Variants in ACSL5 observed in about 807,000 individuals in gnomAD.
ACSL5 encodes the protein long-chain-fatty-acid--CoA ligase 5.
ACSL5 carries 50 observed loss-of-function variants against 84.9 expected under a neutral mutation model. The observed-to-expected ratio is 0.59, with a 90% CI of 0.47 to 0.75. The LOEUF (loss-of-function observed/expected upper bound fraction) is 0.75, where lower values mean the gene tolerates loss of function less well. Among genes scored for constraint, ACSL5 ranks in the 30% least tolerant of loss-of-function variants. The pLI, the probability that ACSL5 is intolerant of heterozygous loss-of-function variation, is 0.00. For synonymous variants in ACSL5, 280 were observed against 300.7 expected, an observed-to-expected ratio of 0.93 and a Z score of 0.71; for missense variants, 775 against 830.4, an observed-to-expected ratio of 0.93 and a Z score of 0.82.
At chr10:112,390,866 T>A (rs1849547276) in intron 1 of ACSL5, among the ~76,000 whole-genome samples, 1 of 152,126 alleles carries the variant, frequency 6.6e-6, no homozygotes, top group Non-Finnish European at 1.5e-5. Context: ...AATAGATAAA[T>A]CCATAGCAAC....
At chr10:112,383,370 G>T (rs559418925) in intron 1 of ACSL5, among the ~76,000 whole-genome samples, 1 of 152,356 alleles carries the variant, frequency 6.6e-6, no homozygotes, top group East Asian at 1.9e-4. Context: ...GCTATTATAA[G>T]ACAATGGCTT....
At chr10:112,421,713 G>A (rs771711996) in intron 15 of ACSL5, 48 bp downstream of exon 15, 54 of 1,552,710 alleles carry the variant, frequency 3.5e-5, no homozygotes, top group Non-Finnish European at 4.7e-5. Context: ...TGGGAGAAAG[G>A]TTCTAACTGA....
chr10:112,418,682 C>T (rs1844379865), intron 14 of ACSL5: 1 of 152,100 alleles, frequency 6.6e-6, no homozygotes, highest in Non-Finnish European at 1.5e-5. Flanking sequence ...TTAATCAACA[C>T]ATATTTTGTA....
intron 14 of ACSL5, chr10:112,419,951 A>C (rs1844416954): frequency 6.6e-6 from 1 of 152,144 alleles, no homozygotes; most frequent in Non-Finnish European, 1.5e-5. Flanking sequence ...ATATTGTCTC[A>C]ATTTTCACCC....
intron 1 of ACSL5, among the ~76,000 whole-genome samples, chr10:112,375,984 G>A (rs767308718): frequency 2.6e-5 from 4 of 152,138 alleles, no homozygotes; most frequent in Non-Finnish European, 5.9e-5. Flanking sequence ...CTGATCTGAG[G>A]GGGCACCTCA....
intron 17 of ACSL5, among the ~76,000 whole-genome samples, chr10:112,423,946 C>T (rs1844576030): frequency 6.6e-6 from 1 of 152,126 alleles, no homozygotes; most frequent in African/African-American, 2.4e-5. Flanking sequence ...AGCAACATAG[C>T]AAGACTCTGT....
Position 112,409,615 on chromosome 10 carries a change from C to T in ACSL5, c.641C>T (p.Pro214Leu). The change falls in exon 7 of 21, where the codon CCC (proline) becomes CTC (leucine). Residue 214 changes from proline to leucine, a missense_variant. Physicochemically the swap from Pro to Leu is moderately conservative, Grantham distance 98. Transcript: ENST00000354655. The part of the protein sequence containing the change: ...PSLKVIILMD[P>L]FDDDLKQRGE... ...CTGAAGGTGATCATCCTTATGGACC[C>T]CTTTGATGATGACCTGAAGCAAAGA... is the stretch of plus-strand genomic sequence containing the variant. The T allele has an allele frequency of 1.2e-6, 2 of 1,614,064 alleles. No homozygotes were observed. Among genetic ancestry groups the T allele is most frequent in the East Asian group, 4.5e-5 (2 of 44,878 alleles).
intron 14 of ACSL5, among the ~76,000 whole-genome samples, 180 bp from the exon 15 acceptor site, chr10:112,421,413 G>A (rs1051087470): frequency 1.7e-4 from 26 of 151,924 alleles, no homozygotes; most frequent in African/African-American, 4.6e-4. Flanking sequence ...CTCCCGCCTC[G>A]GCCTCCCAAA....
At chr10:112,410,733 A>G in intron 9 of ACSL5, 98 bp downstream of exon 9, 1 of 1,286,214 alleles carries the variant, frequency 7.8e-7, no homozygotes, top group Non-Finnish European at 1.1e-6. Flanking sequence ...CCCTCTAAAG[A>G]GCCCTATACT....
chr10:112,421,156 T>C (rs937477835), intron 14 of ACSL5, among the ~76,000 whole-genome samples: 1 of 151,790 alleles, frequency 6.6e-6, no homozygotes, highest in Non-Finnish European at 1.5e-5. Context: ...GTTTGTTCGT[T>C]TGTTTGTTTG....
intron 1 of ACSL5, among the ~76,000 whole-genome samples, chr10:112,377,909 A>G (rs77289361): frequency 0.018 from 2,795 of 152,328 alleles, 42 homozygotes; most frequent in Non-Finnish European, 0.031. Context: ...TACCCCAGAT[A>G]AATGCATTCA....
chr10:112,418,618 A>G (rs1311851826), intron 14 of ACSL5, among the ~76,000 whole-genome samples: 2 of 152,272 alleles, frequency 1.3e-5, no homozygotes, highest in South Asian at 2.1e-4. Context: ...TGACTCCCCA[A>G]AAACTTAACT....
chr10:112,398,611 G>A (rs1843799098), intron 2 of ACSL5, among the ~76,000 whole-genome samples: 1 of 151,808 alleles, frequency 6.6e-6, no homozygotes, highest in Non-Finnish European at 1.5e-5. Context: ...CATCCTGTTG[G>A]TCAGGCTGGT....
At chr10:112,408,706 C>A in intron 6 of ACSL5, 185 bp downstream of exon 6, 1 of 549,694 alleles carries the variant, frequency 1.8e-6, no homozygotes, top group South Asian at 2.1e-5. Context: ...TACAAAAAGC[C>A]CATGAAGCAG....
intron 1 of ACSL5, among the ~76,000 whole-genome samples, chr10:112,391,929 A>G (rs141624416): frequency 9.5e-4 from 145 of 152,298 alleles, no homozygotes; most frequent in African/African-American, 3.3e-3. Context: ...ATTACCAGTC[A>G]GGTTATTCAC....
At chr10:112,427,182 C>T in intron 20 of ACSL5, 36 bp from the exon 21 acceptor site, 1 of 1,584,098 alleles carries the variant, frequency 6.3e-7, no homozygotes, top group Non-Finnish European at 8.6e-7. Flanking sequence ...GTCCAAATCA[C>T]TAATGAGCAT....
intron 11 of ACSL5, chr10:112,412,240 C>G: frequency 2.4e-6 from 1 of 414,156 alleles, no homozygotes; most frequent in Non-Finnish European, 4.3e-6. Context: ...AGTGACATCA[C>G]AGCTAGGAGC....
chr10:112,426,330 G>T lies in ACSL5; in HGVS notation c.1810G>T (p.Gly604Cys). The change falls in exon 19 of 21, where the codon GGC becomes TGC. Residue 604 changes from glycine (G) to cysteine (C), a missense_variant. Gly to Cys is a radical substitution (Grantham distance 159). Coordinates refer to ENST00000354655, the MANE Select transcript of ACSL5 (RefSeq NM_203379.2). ...ATTTGCAGCCAAGCTTGGGGTGAAG[G>T]GCTCCTTTGAGGAACTGTGCCAAAA... ...PSFAAKLGVK[G>C]SFEELCQNQV... 1 of 1,614,038 alleles carries T rather than the reference G, an allele frequency of 6.2e-7. No homozygotes were observed.
intron 17 of ACSL5, among the ~76,000 whole-genome samples, chr10:112,423,081 G>A (rs1218923020): frequency 1.8e-4 from 25 of 135,900 alleles, no homozygotes; most frequent in South Asian, 4.8e-4. Flanking sequence ...CCAGCTACTC[G>A]GGAGGCTGAG....
Sources: allele counts gnomAD v4.1 joint callset (sites outside exome capture counted in the v4.1 genomes callset), GRCh38; gene constraint gnomAD v4.1.1; transcripts MANE v1.5; gene names NCBI Gene and HGNC (gene_info 2026-07-23, HGNC 2026-07-21).